MYLK: variants seen among roughly 807,000 people sequenced by gnomAD.
MYLK encodes myosin light chain kinase, also known as myosin light chain kinase, smooth muscle.
In MYLK, 106 loss-of-function variants were observed where a neutral mutation model predicts 203.4. That is an observed-to-expected ratio of 0.52 (90% confidence interval 0.45 to 0.61). The LOEUF (loss-of-function observed/expected upper bound fraction) is 0.61. MYLK is among the 20% of genes least tolerant of loss of function. The pLI is 0.00. For synonymous variants in MYLK, 867 were observed against 959.5 expected (o/e 0.90, Z 1.78); for missense variants, 2,072 against 2,442.3 (o/e 0.85, Z 3.20).
intron 2 of MYLK, among the ~76,000 whole-genome samples, chr3:123,873,224 C>T (rs1200848233): frequency 6.6e-6 from 1 of 152,046 alleles, no homozygotes; most frequent in African/African-American, 2.4e-5. Context: ...CCGTAAAAAG[C>T]GCCTGAACAA....
chr3:123,858,577 C>T (rs73857537), intron 2 of MYLK, among the ~76,000 whole-genome samples: 1,962 of 152,264 alleles, frequency 0.013, 45 homozygotes, highest in African/African-American at 0.045. Context: ...TAGCTCAAGG[C>T]TCTCTTCCTC....
intron 2 of MYLK, among the ~76,000 whole-genome samples, chr3:123,856,166 A>G (rs1197392006): frequency 6.6e-6 from 1 of 152,182 alleles, no homozygotes. Context: ...GGAATCAACA[A>G]ATGGAGAATC....
At chr3:123,851,572 T>C (rs1192844042) in intron 2 of MYLK, among the ~76,000 whole-genome samples, 1 of 152,196 alleles carries the variant, frequency 6.6e-6, no homozygotes, top group Non-Finnish European at 1.5e-5. Context: ...TAAGAATGCT[T>C]GTGATTTTTG....
At chr3:123,800,474 T>C (rs1347520246) in intron 3 of MYLK, among the ~76,000 whole-genome samples, 1 of 152,248 alleles carries the variant, frequency 6.6e-6, no homozygotes, top group Non-Finnish European at 1.5e-5. Context: ...GGAGAACTCC[T>C]GTGCTGTGTT....
intron 3 of MYLK, among the ~76,000 whole-genome samples, chr3:123,821,138 T>G (rs758355123): frequency 6.6e-6 from 1 of 152,222 alleles, no homozygotes; most frequent in Non-Finnish European, 1.5e-5. Flanking sequence ...AAATTATAAC[T>G]AATGATTCTT....
At chr3:123,796,760 C>T (rs984321175) in intron 3 of MYLK, among the ~76,000 whole-genome samples, 1 of 152,090 alleles carries the variant, frequency 6.6e-6, no homozygotes, top group African/African-American at 2.4e-5. Flanking sequence ...TAAAAAGAAA[C>T]ATAACATATA....
rs1386279142 is a variant in MYLK at position 123,733,707 on chromosome 3, G to C, written c.1289C>G (p.Thr430Ser). The change falls in exon 10 of 34, where the codon ACT (threonine) becomes AGT (serine). Residue 430 changes from threonine (T) to serine (S), a missense_variant. Coordinates refer to ENST00000360304, the MANE Select transcript of MYLK (RefSeq NM_053025.4). Reference protein sequence around the residue: ...PQSQEVKENQTVKFRCEVSGI... With the variant: ...PQSQEVKENQSVKFRCEVSGI... ...CTCACCTTCACATCTGAACTTGACA[G>C]TTTGATTTTCCTTGACCTCCTGGCT... 3 of 1,614,158 alleles carry C rather than the reference G, an allele frequency of 1.9e-6. No individual in the cohort carries two copies. Among genetic ancestry groups the C allele is most frequent in the Non-Finnish European group, 2.5e-6 (3 of 1,180,038 alleles).
Position 123,734,235 on chromosome 3 carries a change from GAGGGTGGGGGT to G in MYLK, c.774-24_774-14del. 10 of 1,395,870 alleles carry G rather than the reference GAGGGTGGGGGT, an allele frequency of 7.2e-6. No homozygotes were observed. Among genetic ancestry groups the G allele is most frequent in the Non-Finnish European group, 8.6e-6 (9 of 1,049,156 alleles). The allele number at this position is 1,395,870 out of a possible 1,614,324, so 86.5% of individuals were successfully genotyped here. On this transcript the variant is annotated splice_polypyrimidine_tract_variant and intron_variant, in intron 9 of 33. Coordinates refer to ENST00000360304, the MANE Select transcript of MYLK (RefSeq NM_053025.4). ...TCTCACAAATGACCTGTGTGGTGGTGAGGGTGGGGGTAGGGTGGGTGAGGAGAGGGGAGAAT... is the reference window on the plus strand; with the variant it reads ...TCTCACAAATGACCTGTGTGGTGGTGAGGGTGGGTGAGGAGAGGGGAGAAT...
intron 2 of MYLK, among the ~76,000 whole-genome samples, chr3:123,869,763 G>A (rs2032620654): frequency 6.6e-6 from 1 of 152,158 alleles, no homozygotes; most frequent in Non-Finnish European, 1.5e-5. Context: ...GGAGTGAACT[G>A]AAGTTCAGAG....
At chr3:123,639,135 C>G (rs768870950) in intron 28 of MYLK, 22 of 873,098 alleles carry the variant, frequency 2.5e-5, no homozygotes, top group Non-Finnish European at 2.9e-5. Flanking sequence ...CTCCTGAGGA[C>G]AGTGGCCTAT....
chr3:123,653,874 C>T (rs1204545496), intron 24 of MYLK, among the ~76,000 whole-genome samples: 1 of 152,206 alleles, frequency 6.6e-6, no homozygotes, highest in African/African-American at 2.4e-5. Flanking sequence ...CAATCTTACT[C>T]CTTTTCCTGT....
At chr3:123,638,477 C>A (rs2058724285) in intron 28 of MYLK, among the ~76,000 whole-genome samples, 1 of 152,178 alleles carries the variant, frequency 6.6e-6, no homozygotes, top group African/African-American at 2.4e-5. Flanking sequence ...TTTTGTGAGT[C>A]TGTCTCATGA....
Position 123,648,864 on chromosome 3 carries a change from G to T in MYLK, c.4415+107C>A. 1.1e-6 allele frequency: 1 copy of T among 911,560 alleles called. No individual in the cohort carries two copies. Among genetic ancestry groups the T allele is most frequent in the Non-Finnish European group, 1.8e-6 (1 of 553,558 alleles). The allele number at this position is 911,560 out of a possible 1,614,324, so 56.5% of individuals were successfully genotyped here. ...TCCTGCAGGACTCTCAGTCTGGGGA[G>T]GAGGCAGGCCCCAGGGAGCAACAGG... On this transcript the variant is annotated intron_variant, in intron 26 of 33. Coordinates refer to ENST00000360304, the MANE Select transcript of MYLK (RefSeq NM_053025.4). This position sits in a 1 kb window ranked among gnomAD's most constrained non-coding sequence, Gnocchi z 4.5.
At chr3:123,633,074 G>A (rs1399163334) in intron 29 of MYLK, among the ~76,000 whole-genome samples, 3 of 152,042 alleles carry the variant, frequency 2.0e-5, no homozygotes, top group East Asian at 1.9e-4. Context: ...TTACAGGCAT[G>A]AGCCACTGTG....
intron 28 of MYLK, among the ~76,000 whole-genome samples, chr3:123,638,465 C>G (rs377604723): frequency 3.3e-5 from 5 of 152,144 alleles, no homozygotes; most frequent in African/African-American, 1.2e-4. Context: ...CCTGAATGGT[C>G]TTTTTGTGAG....
At chr3:123,676,520 A>T (rs1302620008) in intron 20 of MYLK, among the ~76,000 whole-genome samples, 1 of 152,234 alleles carries the variant, frequency 6.6e-6, no homozygotes, top group African/African-American at 2.4e-5. Context: ...ATGCTTTCAA[A>T]TTGACACAAC....
chr3:123,852,981 A>T (rs954165282), intron 2 of MYLK, among the ~76,000 whole-genome samples: 6 of 152,172 alleles, frequency 3.9e-5, no homozygotes, highest in African/African-American at 1.4e-4. Context: ...AAAAGAGCAA[A>T]TTAAGAGTTG....
At chr3:123,872,136 T>C (rs2032833229) in intron 2 of MYLK, among the ~76,000 whole-genome samples, 1 of 152,174 alleles carries the variant, frequency 6.6e-6, no homozygotes. Flanking sequence ...TCCATTCACT[T>C]ATCCATCTAT....
chr3:123,805,175 C>T (rs1253806885), intron 3 of MYLK, among the ~76,000 whole-genome samples: 2 of 152,126 alleles, frequency 1.3e-5, no homozygotes, highest in Non-Finnish European at 2.9e-5. Flanking sequence ...AATCCTTCCC[C>T]GTGTGACACA....
Sources: gnomAD v4.1 joint callset for allele counts (sites outside exome capture counted in the v4.1 genomes callset) on GRCh38, gnomAD v4.1.1 for gene constraint, Gnocchi (gnomAD v3.1) non-coding constraint, MANE v1.5 for transcripts, NCBI Gene and HGNC (gene_info 2026-07-23, HGNC 2026-07-21) for gene names.